Variants in LYST observed in about 807,000 individuals in gnomAD.
LYST encodes the protein lysosomal trafficking regulator.
Under a neutral mutation model 413.6 loss-of-function variants are expected in LYST, and 192 were observed. The observed-to-expected ratio is 0.46, with a 90% CI of 0.41 to 0.52. The LOEUF (loss-of-function observed/expected upper bound fraction) is 0.52. LYST is among the 20% of genes least tolerant of loss of function. The pLI, the probability that LYST is intolerant of heterozygous loss-of-function variation, is 0.00. For synonymous variants in LYST, 1,525 were observed against 1,567.3 expected (o/e 0.97, Z 0.64); for missense variants, 3,815 against 4,499.9 (o/e 0.85, Z 4.35).
chr1:235,695,295 C>T (rs562478917), intron 46 of LYST, among the ~76,000 whole-genome samples: 7 of 152,234 alleles, frequency 4.6e-5, no homozygotes, highest in African/African-American at 1.4e-4. Context: ...TTGCAAAGCA[C>T]GAAGTTAACT....
At position 235,773,895 on chromosome 1, in the gene LYST, C is replaced by G; in HGVS notation, c.5731G>C (p.Val1911Leu). ...AGCAATAGTTCCTCTAACAGCTTAA[C>G]ATCTTGGATTATAGCATTAGAGTCT... ...DVDSNAIIQD[V>L]KLLEELLLDW... Residue 1911 changes from valine to leucine, a missense_variant, in exon 19 of 53, where the codon GTT (valine) becomes CTT (leucine). Around this residue, in one of 4 missense-constraint regions of LYST, gnomAD observed 530 missense variants for 696.5 expected, o/e 0.76. Transcript: ENST00000389793. 1 of 1,610,454 alleles carries G rather than the reference C, an allele frequency of 6.2e-7. No individual in the cohort carries two copies. The highest frequency in any genetic ancestry group is 8.5e-7 in the Non-Finnish European group (1 of 1,176,810).
intron 39 of LYST, 135 bp from the exon 40 acceptor site, chr1:235,721,040 A>T (rs1263572668): frequency 2.5e-6 from 2 of 801,568 alleles, no homozygotes; most frequent in Non-Finnish European, 2.0e-6. Context: ...TCTCAGTAAC[A>T]TTAATGGGTA....
intron 3 of LYST, chr1:235,827,998 T>C: frequency 8.0e-6 from 3 of 375,158 alleles, no homozygotes; most frequent in Non-Finnish European, 1.1e-5. Flanking sequence ...GATATACAAA[T>C]GGCCAATAAG....
At chr1:235,692,742 G>A (rs566213413) in intron 47 of LYST, among the ~76,000 whole-genome samples, 151 of 152,104 alleles carry the variant, frequency 9.9e-4, no homozygotes, top group African/African-American at 3.5e-3. Flanking sequence ...CGTTTACATG[G>A]GCCAGACACA....
At chr1:235,882,118 C>T (rs1051251776) in intron 1 of LYST, among the ~76,000 whole-genome samples, 1 of 132,140 alleles carries the variant, frequency 7.6e-6, no homozygotes, top group Non-Finnish European at 1.5e-5. Flanking sequence ...AAATAGGAGG[C>T]AGAATACTTA....
In LYST at chr1:235,794,110, G is replaced by C. The variant is rs900270837; in HGVS notation, c.4007-498C>G. The stretch of plus-strand genomic sequence containing the variant: ...GGCCTCCCAAAGTTCAGGGATTACA[G>C]GTGTGAGCTACCATGTCTGGCCAGC... On this transcript the variant is annotated intron_variant, in intron 10 of 52. Coordinates refer to ENST00000389793, the MANE Select transcript of LYST (RefSeq NM_000081.4). 2.6e-5 allele frequency among the ~76,000 whole-genome samples: 4 copies of C among 152,174 alleles called. No individual in the cohort carries two copies. In the East Asian group the frequency reaches 5.8e-4, roughly 22 times the overall value.
upstream of LYST, among the ~76,000 whole-genome samples, chr1:235,867,616 A>T (rs1352946897): frequency 6.6e-6 from 1 of 152,168 alleles, no homozygotes; most frequent in Non-Finnish European, 1.5e-5. Flanking sequence ...CAGTCCCTCC[A>T]GAGGGTGGGA....
intron 2 of LYST, among the ~76,000 whole-genome samples, chr1:235,832,932 T>C (rs973439246): frequency 1.3e-5 from 2 of 152,174 alleles, no homozygotes; most frequent in African/African-American, 4.8e-5. Context: ...AGTAGGCACA[T>C]AGGAAGTGGA....
At chr1:235,820,370 TCTTTC>T (rs1456657326) in intron 3 of LYST, among the ~76,000 whole-genome samples, 1 of 150,738 alleles carries the variant, frequency 6.6e-6, no homozygotes, top group Non-Finnish European at 1.5e-5. Context: ...TCTTTTCTTT[TCTTTC>T]TTTTTTTTTT....
At chr1:235,675,423 TA>T (rs1487318626) in intron 50 of LYST, among the ~76,000 whole-genome samples, 1 of 152,220 alleles carries the variant, frequency 6.6e-6, no homozygotes, top group Non-Finnish European at 1.5e-5. Context: ...GTGTTAGGGA[TA>T]AAAATCTTTA....
chr1:235,758,287 G>C (rs1185141958), intron 23 of LYST, among the ~76,000 whole-genome samples: 1 of 152,194 alleles, frequency 6.6e-6, no homozygotes, highest in Non-Finnish European at 1.5e-5. Context: ...TCTGGAGAGA[G>C]AACAAACTGG....
In LYST at chr1:235,816,475, A is replaced by AT. The variant is rs527473962; in HGVS notation, c.193-3415_193-3414insA. On this transcript the variant is annotated intron_variant, in intron 3 of 52. Coordinates refer to ENST00000389793, the MANE Select transcript of LYST (RefSeq NM_000081.4). The stretch of plus-strand genomic sequence containing the variant: ...AAATAAATAAAAAATAAAAATAAAA[A>AT]AAAAAAGCCATACTGCCCAAAGCAA... 5.9e-3 allele frequency among the ~76,000 whole-genome samples: 895 copies of AT among 150,708 alleles called. 6 individuals are homozygous for AT. The highest frequency in any genetic ancestry group is 8.6e-3 in the Non-Finnish European group (583 of 67,602).
intron 48 of LYST, among the ~76,000 whole-genome samples, chr1:235,681,494 G>C (rs1659812039): frequency 6.6e-6 from 1 of 152,078 alleles, no homozygotes; most frequent in African/African-American, 2.4e-5. Context: ...TTTTAGGAAG[G>C]CCATCATAGA....
At chr1:235,706,149 C>T (rs1014909255) in intron 44 of LYST, among the ~76,000 whole-genome samples, 1 of 152,092 alleles carries the variant, frequency 6.6e-6, no homozygotes, top group East Asian at 1.9e-4. Context: ...AAATCAGACC[C>T]GAAGCCTTGC....
intron 50 of LYST, among the ~76,000 whole-genome samples, chr1:235,666,607 T>TACACACAC (rs10635511): frequency 0.024 from 3,362 of 141,412 alleles, 55 homozygotes; most frequent in Non-Finnish European, 0.035. Flanking sequence ...CACACACACA[T>TACACACAC]ACACACACAC....
In LYST at chr1:235,850,209, A is replaced by T. The variant is rs151124536; in HGVS notation, c.-97-16542T>A. Reference sequence around the variant, plus strand: ...ACCAATGGAACACAATAGAGAACCCAGAAATAAACCCAAATACCTACAGCC... The same window carrying T: ...ACCAATGGAACACAATAGAGAACCCTGAAATAAACCCAAATACCTACAGCC... On this transcript the variant is annotated intron_variant, in intron 1 of 52. Coordinates refer to ENST00000389793, the MANE Select transcript of LYST (RefSeq NM_000081.4). 7.6e-3 allele frequency among the ~76,000 whole-genome samples: 1,162 copies of T among 152,314 alleles called. 11 individuals carry two copies. Among genetic ancestry groups the T allele is most frequent in the Non-Finnish European group, 0.012 (787 of 68,006 alleles).
chr1:235,766,055 T>C, intron 21 of LYST, 24 bp downstream of exon 21: 1 of 1,553,066 alleles, frequency 6.4e-7, no homozygotes, highest in Non-Finnish European at 8.9e-7. Context: ...ATAGCCATGA[T>C]CTAACAAAAA....
At chr1:235,740,918 T>C (rs1665335139) in intron 31 of LYST, among the ~76,000 whole-genome samples, 1 of 152,238 alleles carries the variant, frequency 6.6e-6, no homozygotes, top group Non-Finnish European at 1.5e-5. Flanking sequence ...CCTTTTAAAC[T>C]TTCCAACTAC....
rs1023815720 is a variant in LYST, at chr1:235,734,810, G to T, written c.8359-151C>A. 1.5e-5 allele frequency: 9 copies of T among 586,668 alleles called. No homozygotes were observed. The African/African-American group carries it at 1.7e-4, about 11-fold the overall frequency. 36.3% of individuals were successfully genotyped at this position (586,668 alleles called of 1,614,324 possible). On this transcript the variant is annotated intron_variant, in intron 31 of 52. Coordinates refer to ENST00000389793, the MANE Select transcript of LYST (RefSeq NM_000081.4). ...AAAAGACATTCTGAGGATAAGTACA[G>T]AAATCTGATTATGCACTGAGTATTT...
Sources: gnomAD v4.1 joint callset for allele counts (sites outside exome capture counted in the v4.1 genomes callset) on GRCh38, gnomAD v4.1.1 for gene constraint, gnomAD v4.1.1 regional missense constraint, MANE v1.5 for transcripts, NCBI Gene and HGNC (gene_info 2026-07-23, HGNC 2026-07-21) for gene names.